The following TSPAN18 variants were observed in gnomAD, a reference collection of about 807,000 sequenced individuals.
TSPAN18 encodes tetraspanin 18.
In TSPAN18, 14 loss-of-function variants were observed where a neutral mutation model predicts 27.3. That is an observed-to-expected ratio of 0.51 (90% CI 0.34 to 0.80). TSPAN18 has a LOEUF of 0.80. TSPAN18 is among the 30% of genes least tolerant of loss of function. The probability of loss-of-function intolerance (pLI) is 0.01; values close to 1 mark genes in which losing one functional copy is unlikely to be tolerated. For missense variants in TSPAN18, 268 were observed against 323.9 expected, an observed-to-expected ratio of 0.83 and a Z score of 1.32; for synonymous variants, 143 against 136.5, an observed-to-expected ratio of 1.05 and a Z score of -0.33.
intron 8 of TSPAN18, among the ~76,000 whole-genome samples, chr11:44,923,805 G>A (rs1031888064): frequency 9.2e-5 from 14 of 152,264 alleles, no homozygotes; most frequent in African/African-American, 3.1e-4. Context: ...ATTCAGAGTG[G>A]GTGGTGGCAT....
intron 2 of TSPAN18, among the ~76,000 whole-genome samples, chr11:44,804,388 G>A (rs970684946): frequency 6.6e-6 from 1 of 152,254 alleles, no homozygotes; most frequent in East Asian, 1.9e-4. Context: ...ACCGCGCCCA[G>A]CCAGTAAGTT....
At chr11:44,726,869 G>A (rs1365728931), upstream of TSPAN18, 1 of 140,360 alleles carries the variant, frequency 7.1e-6, no homozygotes, top group Admixed American at 7.0e-5. Flanking sequence ...GTCTGGAGCC[G>A]GGAGGGGCGG....
chr11:44,871,030 C>G (rs1225904773), intron 3 of TSPAN18, among the ~76,000 whole-genome samples: 1 of 152,096 alleles, frequency 6.6e-6, no homozygotes, highest in South Asian at 2.1e-4. Context: ...GAAAGATAAG[C>G]AGGAATTAAT....
chr11:44,809,628 G>C (rs1856672842), intron 2 of TSPAN18, among the ~76,000 whole-genome samples: 1 of 116,050 alleles, frequency 8.6e-6, no homozygotes, highest in Non-Finnish European at 2.2e-5. Flanking sequence ...TGGGTGCTTG[G>C]AGTGTGTATC....
intron 1 of TSPAN18, among the ~76,000 whole-genome samples, chr11:44,752,157 T>C (rs2134858174): frequency 6.6e-6 from 1 of 152,254 alleles, no homozygotes; most frequent in South Asian, 2.1e-4. Flanking sequence ...CCTAAATTGT[T>C]TACTTGTAAG....
At chr11:44,914,716 A>G (rs777175918) in intron 5 of TSPAN18, among the ~76,000 whole-genome samples, 15 of 152,188 alleles carry the variant, frequency 9.9e-5, no homozygotes, top group Non-Finnish European at 2.1e-4. Context: ...CCTCTCAGCC[A>G]CAATCCGCTC....
At chr11:44,818,931 G>C (rs943168924) in intron 2 of TSPAN18, among the ~76,000 whole-genome samples, 4 of 152,158 alleles carry the variant, frequency 2.6e-5, no homozygotes, top group Non-Finnish European at 5.9e-5. Flanking sequence ...TGGCCTAGGT[G>C]ATCTCTTACG....
chr11:44,759,827 C>T (rs1449880013), intron 1 of TSPAN18, among the ~76,000 whole-genome samples: 1 of 152,200 alleles, frequency 6.6e-6, no homozygotes, highest in Non-Finnish European at 1.5e-5. Context: ...GGAAAAATCA[C>T]ATGAGCAAAA....
rs1860526298 is a variant in TSPAN18 at position 44,930,661 on chromosome 11, A to G, written c.*1483A>G. ...GGCAACTGGATTGCAAGATGCTCCT[A>G]CCCTGATAGATCAGGGGTGGCTGCT... On this transcript the variant is annotated 3_prime_UTR_variant, in exon 10 of 10. Coordinates refer to ENST00000520358, the MANE Select transcript of TSPAN18 (RefSeq NM_130783.5). The G allele has an allele frequency of 2.8e-6, 1 of 362,706 alleles. No homozygotes were observed. Among genetic ancestry groups the G allele is most frequent in the Non-Finnish European group, 5.5e-6 (1 of 182,560 alleles). The allele number at this position is 362,706 out of a possible 1,614,324, so 22.5% of individuals were successfully genotyped here.
chr11:44,888,404 G>A (rs947813998), intron 3 of TSPAN18, among the ~76,000 whole-genome samples: 16 of 152,198 alleles, frequency 1.1e-4, no homozygotes, highest in African/African-American at 3.9e-4. Context: ...AGCAGGAGCA[G>A]TTATGACACT....
At chr11:44,880,714 G>A (rs550364372) in intron 3 of TSPAN18, among the ~76,000 whole-genome samples, 16 of 152,380 alleles carry the variant, frequency 1.1e-4, no homozygotes, top group Non-Finnish European at 2.4e-4. Flanking sequence ...ATCTGTGCAT[G>A]AAGTGGTTGG....
At chr11:44,791,852 G>A (rs1291195580) in intron 2 of TSPAN18, among the ~76,000 whole-genome samples, 1 of 152,190 alleles carries the variant, frequency 6.6e-6, no homozygotes, top group East Asian at 1.9e-4. Context: ...TTCACCCAGC[G>A]AGCTTCGGTT....
intron 3 of TSPAN18, among the ~76,000 whole-genome samples, 191 bp from the exon 4 acceptor site, chr11:44,906,216 G>A (rs775000725): frequency 7.9e-5 from 12 of 152,192 alleles, no homozygotes; most frequent in Non-Finnish European, 1.3e-4. Context: ...GTCACATAGC[G>A]AATGAAAGCT....
chr11:44,872,093 A>AT lies in TSPAN18; in HGVS notation c.-11+11633dup, dbSNP rs372493391. Among the ~76,000 whole-genome samples the AT allele has an allele frequency of 6.6e-3, 989 of 150,896 alleles. 8 individuals are homozygous for AT. Among genetic ancestry groups the AT allele is most frequent in the African/African-American group, 0.023 (947 of 41,080 alleles). ...CACCCACCACCACCACGCCTGGCTA[A>AT]TTTTTTTTTGTATTTTTAGTAGAGA... On this transcript the variant is annotated intron_variant, in intron 3 of 9. Transcript: ENST00000520358.
chr11:44,815,192 C>T (rs886768771), intron 2 of TSPAN18, among the ~76,000 whole-genome samples: 1 of 152,202 alleles, frequency 6.6e-6, no homozygotes, highest in Non-Finnish European at 1.5e-5. Flanking sequence ...CTGGGGGCTT[C>T]CAGGCCCCAC....
intron 3 of TSPAN18, among the ~76,000 whole-genome samples, chr11:44,884,188 C>G (rs1251403292): frequency 6.6e-6 from 1 of 152,180 alleles, no homozygotes; most frequent in African/African-American, 2.4e-5. Flanking sequence ...TTCCCAGGCA[C>G]AGCAGGCTAA....
intron 4 of TSPAN18, among the ~76,000 whole-genome samples, chr11:44,908,071 GGA>G (rs1859523905): frequency 1.1e-5 from 1 of 87,258 alleles, no homozygotes; most frequent in Non-Finnish European, 2.3e-5. Flanking sequence ...AAAAAAAAAA[GGA>G]GAGAGACACT....
intron 5 of TSPAN18, among the ~76,000 whole-genome samples, chr11:44,912,877 C>A (rs1859774740): frequency 1.0e-5 from 1 of 98,824 alleles, no homozygotes; most frequent in African/African-American, 4.4e-5. Context: ...TGCATGTGCA[C>A]ATGTGCCTGT....
chr11:44,746,450 T>C lies in TSPAN18; in HGVS notation c.-239-17976T>C, dbSNP rs116136079. On this transcript the variant is annotated intron_variant, in intron 1 of 9. Coordinates refer to ENST00000520358, the MANE Select transcript of TSPAN18 (RefSeq NM_130783.5). ...CCCACTTGTAAAGCAAGGAGTGTAG[T>C]ACCCACACCAAAATATTGTTTTGCC... Among the ~76,000 whole-genome samples the C allele has an allele frequency of 3.8e-3, 579 of 152,314 alleles. 4 individuals carry two copies. The highest frequency in any genetic ancestry group is 0.013 in the African/African-American group (558 of 41,560).
Sources: allele counts gnomAD v4.1 joint callset (sites outside exome capture counted in the v4.1 genomes callset), GRCh38; gene constraint gnomAD v4.1.1; transcripts MANE v1.5; gene names NCBI Gene and HGNC (gene_info 2026-07-23, HGNC 2026-07-21).